KIF26B: variants seen among roughly 807,000 people sequenced by gnomAD.
KIF26B encodes kinesin family member 26B.
Under a neutral mutation model 151.2 loss-of-function variants are expected in KIF26B, and 63 were observed. The observed-to-expected ratio is 0.42, with a 90% CI of 0.34 to 0.51. KIF26B has a LOEUF of 0.51. Ranked by LOEUF, KIF26B falls within the 20% of genes least tolerant of loss-of-function variation. The pLI is 0.07. For missense variants in KIF26B, 2,813 were observed against 2,913.6 expected (o/e 0.97, Z 0.79); for synonymous variants, 1,357 against 1,262.1 (o/e 1.08, Z -1.59).
At chr1:245,226,325 T>C (rs1669872299) in intron 2 of KIF26B, among the ~76,000 whole-genome samples, 1 of 152,172 alleles carries the variant, frequency 6.6e-6, no homozygotes, top group Admixed American at 6.5e-5. Context: ...AGCTGTGCAT[T>C]GTCTTATTCC....
chr1:245,389,146 T>C (rs1673625239), intron 3 of KIF26B, among the ~76,000 whole-genome samples: 4 of 152,074 alleles, frequency 2.6e-5, no homozygotes, highest in African/African-American at 9.7e-5. Context: ...AGAGTTTCAC[T>C]CTTGTCACCT....
Position 245,166,462 on chromosome 1 carries a change from T to C in KIF26B, c.465+9779T>C, listed in dbSNP as rs150932137. On this transcript the variant is annotated intron_variant, in intron 2 of 14. Transcript: ENST00000407071. This position sits in a 1 kb window ranked among gnomAD's most constrained non-coding sequence, Gnocchi z 4.5. Reference sequence around the variant, plus strand: ...TTTAAGGGAGCTCAGTGGATGTAAATAGCGACTCCTTTGGGTTGAGGTGCC... The same window carrying C: ...TTTAAGGGAGCTCAGTGGATGTAAACAGCGACTCCTTTGGGTTGAGGTGCC... Among the ~76,000 whole-genome samples the C allele has an allele frequency of 2.2e-3, 333 of 152,332 alleles. 2 individuals carry two copies. Among genetic ancestry groups the C allele is most frequent in the Admixed American group, 6.7e-3 (103 of 15,304 alleles).
intron 2 of KIF26B, among the ~76,000 whole-genome samples, chr1:245,160,229 C>T (rs758376877): frequency 1.3e-5 from 2 of 152,158 alleles, no homozygotes; most frequent in South Asian, 4.2e-4. Flanking sequence ...TTACCTTGAT[C>T]AGTACAAAAA....
Position 245,686,763 on chromosome 1 carries a change from G to A in KIF26B, c.3780G>A (p.Pro1260=), listed in dbSNP as rs568690550. The change falls in exon 12 of 15, where the codon CCG becomes CCA. Residue 1260 remains proline (P), a synonymous_variant. Transcript: ENST00000407071. The surrounding 1 kb of genome is among the most constrained non-coding windows in gnomAD (Gnocchi z 5.6). ...GCATCACACAGTTCTTGCCCCTCCC[G>A]AAGATGAGCCTGGATGAGAAGGCCC... ...EVSITQFLPL[P]KMSLDEKAQD... 59 of 1,613,294 alleles carry A rather than the reference G, an allele frequency of 3.7e-5. No individual in the cohort carries two copies. Among genetic ancestry groups the A allele is most frequent in the Admixed American group, 1.2e-4 (7 of 59,998 alleles).
chr1:245,212,276 C>T (rs998787234), intron 2 of KIF26B, among the ~76,000 whole-genome samples: 3 of 152,126 alleles, frequency 2.0e-5, no homozygotes, highest in East Asian at 1.9e-4. Context: ...TTGGGGGCCT[C>T]AAGAGATTAG....
intron 2 of KIF26B, among the ~76,000 whole-genome samples, chr1:245,326,486 A>G (rs554954255): frequency 6.6e-6 from 1 of 152,186 alleles, no homozygotes; most frequent in Non-Finnish European, 1.5e-5. Flanking sequence ...AACGGCTGCC[A>G]AGTTTACCCC....
At chr1:245,326,530 T>C (rs1007600177) in intron 2 of KIF26B, among the ~76,000 whole-genome samples, 1 of 152,214 alleles carries the variant, frequency 6.6e-6, no homozygotes, top group African/African-American at 2.4e-5. Flanking sequence ...GACCACTGTT[T>C]GTTTTCCATT....
chr1:245,674,141 A>G (rs1011320298), intron 10 of KIF26B, among the ~76,000 whole-genome samples: 7 of 152,214 alleles, frequency 4.6e-5, no homozygotes, highest in Non-Finnish European at 7.3e-5. Flanking sequence ...AAGATGTGTA[A>G]TGGTTATAAT....
At chr1:245,369,070 G>A (rs919339026) in intron 3 of KIF26B, among the ~76,000 whole-genome samples, 44 of 152,136 alleles carry the variant, frequency 2.9e-4, no homozygotes, top group African/African-American at 9.6e-4. Flanking sequence ...CCCAGGAGGC[G>A]GAGGCTGCAG....
intron 4 of KIF26B, among the ~76,000 whole-genome samples, chr1:245,505,584 C>T (rs1342850636): frequency 1.3e-5 from 2 of 152,140 alleles, no homozygotes; most frequent in South Asian, 2.1e-4. Context: ...GGGGTTTCAC[C>T]GTGTTGGCCA....
chr1:245,517,251 A>T (rs2103087578), intron 4 of KIF26B, among the ~76,000 whole-genome samples: 1 of 152,152 alleles, frequency 6.6e-6, no homozygotes, highest in Admixed American at 6.5e-5. Context: ...AGAGGCAGGG[A>T]GGCTGAGGCA....
intron 2 of KIF26B, among the ~76,000 whole-genome samples, chr1:245,355,279 A>G (rs1023776578): frequency 1.3e-5 from 2 of 151,998 alleles, no homozygotes; most frequent in African/African-American, 4.8e-5. Context: ...ACAGTGTATG[A>G]TGTCTAGCTG....
intron 2 of KIF26B, among the ~76,000 whole-genome samples, chr1:245,161,767 A>G (rs1309848217): frequency 6.6e-6 from 1 of 152,228 alleles, no homozygotes; most frequent in African/African-American, 2.4e-5. Context: ...CAAGGAACAG[A>G]GAAATCCAAT....
At chr1:245,163,654 T>G (rs1420466446) in intron 2 of KIF26B, among the ~76,000 whole-genome samples, 1 of 152,206 alleles carries the variant, frequency 6.6e-6, no homozygotes, top group African/African-American at 2.4e-5. Context: ...ATGGAATACC[T>G]TTTCATTTGA....
At chr1:245,240,801 C>G (rs1670200533) in intron 2 of KIF26B, among the ~76,000 whole-genome samples, 1 of 152,146 alleles carries the variant, frequency 6.6e-6, no homozygotes, top group African/African-American at 2.4e-5. Flanking sequence ...AGGGACCTGC[C>G]AGAGGGAGGC....
chr1:245,455,648 T>C (rs1367442692), intron 4 of KIF26B, among the ~76,000 whole-genome samples: 8 of 152,224 alleles, frequency 5.3e-5, no homozygotes, highest in Non-Finnish European at 1.0e-4. Flanking sequence ...TCTCCCGTCA[T>C]TGAGAAGAGC....
intron 2 of KIF26B, among the ~76,000 whole-genome samples, chr1:245,175,938 C>CTA (rs765310586): frequency 8.6e-6 from 1 of 115,988 alleles, no homozygotes; most frequent in East Asian, 2.2e-4. Context: ...ATTTAGATGT[C>CTA]TATATATATA....
chr1:245,419,636 C>T lies in KIF26B; in HGVS notation c.1057C>T (p.Arg353Cys), dbSNP rs746760718. The T allele has an allele frequency of 1.3e-5, 21 of 1,613,750 alleles. No homozygotes were observed. Among genetic ancestry groups the T allele is most frequent in the South Asian group, 5.5e-5 (5 of 91,068 alleles). ...REGLTEAVLN[R>C]YNADKPSACS... ...GGGACTAACAGAAGCAGTGCTGAAC[C>T]GCTACAATGCAGACAAGCCTTCCGC... The change falls in exon 4 of 15, where the codon CGC (arginine) becomes TGC (cysteine). Residue 353 changes from arginine to cysteine, a missense_variant. This residue lies in a region of KIF26B where 676 missense variants were observed against 688.1 expected (regional missense o/e 0.98). Coordinates refer to ENST00000407071, the MANE Select transcript of KIF26B (RefSeq NM_018012.4).
intron 3 of KIF26B, among the ~76,000 whole-genome samples, chr1:245,408,187 G>A (rs1324983959): frequency 2.0e-5 from 3 of 152,078 alleles, no homozygotes; most frequent in Non-Finnish European, 2.9e-5. Flanking sequence ...TTGCTGAGTT[G>A]CAAATTGAAA....
Sources: gnomAD v4.1 joint callset for allele counts (sites outside exome capture counted in the v4.1 genomes callset) on GRCh38, gnomAD v4.1.1 for gene constraint, gnomAD v4.1.1 regional missense constraint, Gnocchi (gnomAD v3.1) non-coding constraint, MANE v1.5 for transcripts, NCBI Gene and HGNC (gene_info 2026-07-23, HGNC 2026-07-21) for gene names.